Variants in CAPSL observed in about 807,000 individuals in gnomAD.
CAPSL encodes calcyphosine like, also known as calcyphosin-like protein.
Under a neutral mutation model 21.3 loss-of-function variants are expected in CAPSL, and 17 were observed. That is an observed-to-expected ratio of 0.80 (90% CI 0.55 to 1.20). The LOEUF is 1.20. CAPSL is among the 50% of genes most tolerant of loss of function. The pLI, the probability that CAPSL is intolerant of heterozygous loss-of-function variation, is 0.00. For synonymous variants in CAPSL, 102 were observed against 89.3 expected (o/e 1.14, Z -0.80); for missense variants, 289 against 259.3 (o/e 1.11, Z -0.79).
intron 1 of CAPSL, among the ~76,000 whole-genome samples, chr5:35,929,168 A>G (rs140307272): frequency 1.3e-3 from 192 of 152,164 alleles, no homozygotes; most frequent in African/African-American, 4.4e-3. Flanking sequence ...GGTGGATTCT[A>G]TCAAATACTA....
chr5:35,917,739 A>G (rs1738430327), intron 2 of CAPSL, among the ~76,000 whole-genome samples: 1 of 152,214 alleles, frequency 6.6e-6, no homozygotes, highest in South Asian at 2.1e-4. Flanking sequence ...GGGGGAAGTG[A>G]TAGCATTAGA....
chr5:35,927,746 A>G (rs779049318), intron 1 of CAPSL, among the ~76,000 whole-genome samples: 11 of 152,218 alleles, frequency 7.2e-5, no homozygotes, highest in Non-Finnish European at 1.6e-4. Flanking sequence ...TCATCCAGGT[A>G]TGAGAAGAGA....
intron 4 of CAPSL, among the ~76,000 whole-genome samples, chr5:35,907,038 T>C (rs562389763): frequency 3.3e-5 from 5 of 152,220 alleles, no homozygotes; most frequent in Non-Finnish European, 7.3e-5. Context: ...CTCATCATAG[T>C]AAATTGTTGG....
intron 2 of CAPSL, among the ~76,000 whole-genome samples, chr5:35,913,878 TG>T (rs1738298832): frequency 6.6e-6 from 1 of 152,128 alleles, no homozygotes; most frequent in Non-Finnish European, 1.5e-5. Context: ...GAAATGTAAA[TG>T]GGCTAAATGC....
chr5:35,910,159 C>A, intron 3 of CAPSL, 84 bp from the exon 4 acceptor site: 1 of 1,204,368 alleles, frequency 8.3e-7, no homozygotes, highest in Non-Finnish European at 1.2e-6. Context: ...TATCTCATTC[C>A]CCTCAACGAT....
At chr5:35,931,269 A>T (rs1290316986) in intron 1 of CAPSL, among the ~76,000 whole-genome samples, 1 of 152,138 alleles carries the variant, frequency 6.6e-6, no homozygotes. Flanking sequence ...GAAGAGACTC[A>T]ACTACCCCTG....
At chr5:35,912,455 C>A (rs890633552) in intron 2 of CAPSL, among the ~76,000 whole-genome samples, 2 of 152,164 alleles carry the variant, frequency 1.3e-5, no homozygotes, top group Non-Finnish European at 2.9e-5. Context: ...CTGGGAGGCA[C>A]CCCCCAGTAG....
At chr5:35,937,236 GA>G (rs1463382285) in intron 1 of CAPSL, among the ~76,000 whole-genome samples, 1 of 152,186 alleles carries the variant, frequency 6.6e-6, no homozygotes, top group Non-Finnish European at 1.5e-5. Flanking sequence ...TTTAGAAAAT[GA>G]AAACATGAAC....
chr5:35,932,513 T>C (rs1402762138), intron 1 of CAPSL, among the ~76,000 whole-genome samples: 2 of 152,202 alleles, frequency 1.3e-5, no homozygotes, highest in African/African-American at 2.4e-5. Flanking sequence ...ATTCCTTCTA[T>C]GTAAATCTTA....
chr5:35,930,833 G>C (rs1018979272), intron 1 of CAPSL, among the ~76,000 whole-genome samples: 3 of 152,046 alleles, frequency 2.0e-5, no homozygotes, highest in African/African-American at 7.2e-5. Flanking sequence ...CTTTCTACTG[G>C]GTAGGCACAG....
chr5:35,919,073 CA>C (rs1395826049), intron 2 of CAPSL, among the ~76,000 whole-genome samples: 2 of 145,730 alleles, frequency 1.4e-5, no homozygotes, highest in African/African-American at 2.5e-5. Context: ...AAACAAAAAA[CA>C]AAAAAAATGA....
At chr5:35,908,852 T>C (rs1738117507) in intron 4 of CAPSL, among the ~76,000 whole-genome samples, 1 of 152,214 alleles carries the variant, frequency 6.6e-6, no homozygotes, top group Non-Finnish European at 1.5e-5. Flanking sequence ...AGACTCATCA[T>C]GAAGTTTCAT....
intron 1 of CAPSL, among the ~76,000 whole-genome samples, chr5:35,925,377 G>A (rs1188346281): frequency 6.6e-6 from 1 of 152,166 alleles, no homozygotes; most frequent in African/African-American, 2.4e-5. Context: ...GGGGACGTGG[G>A]GATAGAAGGA....
chr5:35,911,276 G>T (rs751797847), intron 2 of CAPSL, among the ~76,000 whole-genome samples: 1 of 152,132 alleles, frequency 6.6e-6, no homozygotes, highest in Non-Finnish European at 1.5e-5. Flanking sequence ...CTTCCAAAAA[G>T]TACGATATGG....
intron 2 of CAPSL, among the ~76,000 whole-genome samples, chr5:35,919,545 G>A (rs1251362171): frequency 6.6e-6 from 1 of 152,128 alleles, no homozygotes; most frequent in Non-Finnish European, 1.5e-5. Context: ...TGTTGTGCAG[G>A]GGGGATGATG....
At chr5:35,910,268 G>A in intron 3 of CAPSL, 98 bp downstream of exon 3, 1 of 1,334,446 alleles carries the variant, frequency 7.5e-7, no homozygotes. Context: ...CCTCCCCACA[G>A]TGTACTAACA....
At chr5:35,911,080 A>T (rs1580881060) in intron 2 of CAPSL, among the ~76,000 whole-genome samples, 1 of 152,362 alleles carries the variant, frequency 6.6e-6, no homozygotes, top group East Asian at 1.9e-4. Context: ...CTGGATTATA[A>T]CCCAAAATAT....
intron 1 of CAPSL, among the ~76,000 whole-genome samples, chr5:35,929,480 A>T (rs1029574891): frequency 6.6e-6 from 1 of 151,916 alleles, no homozygotes; most frequent in Non-Finnish European, 1.5e-5. Context: ...TTTAGTAGAG[A>T]TGGGGTTTCA....
At chr5:35,906,012 A>G (rs529183866) in intron 4 of CAPSL, among the ~76,000 whole-genome samples, 1 of 152,370 alleles carries the variant, frequency 6.6e-6, no homozygotes, top group South Asian at 2.1e-4. Flanking sequence ...CTCAGTCCTC[A>G]AAAAGTTGCA....
Sources: gnomAD v4.1 joint callset for allele counts (sites outside exome capture counted in the v4.1 genomes callset) on GRCh38, gnomAD v4.1.1 for gene constraint, MANE v1.5 for transcripts, NCBI Gene and HGNC (gene_info 2026-07-23, HGNC 2026-07-21) for gene names.